PRSS23: variants seen among roughly 807,000 people sequenced by gnomAD.
The protein encoded by PRSS23 is serine protease 23, also known as protease, serine 23.
A neutral mutation model predicts 34.7 loss-of-function variants in PRSS23; 25 were observed. That is an observed-to-expected ratio of 0.72 (90% CI 0.53 to 1.01). The LOEUF (loss-of-function observed/expected upper bound fraction) is 1.01, where lower values mean the gene tolerates loss of function less well. PRSS23 is among the 50% of genes least tolerant of loss of function. The pLI is 0.00. For synonymous variants in PRSS23, 176 were observed against 186.6 expected (o/e 0.94, Z 0.46); for missense variants, 445 against 475.6 (o/e 0.94, Z 0.60).
chr11:86,883,350 A>G (rs530546102), intron 2 of PRSS23, among the ~76,000 whole-genome samples: 30 of 152,322 alleles, frequency 2.0e-4, no homozygotes, highest in African/African-American at 6.3e-4. Context: ...CACACCTACA[A>G]CTATCTGATT....
intron 2 of PRSS23, among the ~76,000 whole-genome samples, chr11:86,898,161 C>T (rs1196606898): frequency 1.3e-5 from 2 of 152,126 alleles, no homozygotes; most frequent in East Asian, 1.9e-4. Context: ...TATTTCATTT[C>T]GATGAGAACC....
chr11:86,922,392 T>C (rs1949052351), intron 2 of PRSS23, among the ~76,000 whole-genome samples: 1 of 151,976 alleles, frequency 6.6e-6, no homozygotes, highest in Non-Finnish European at 1.5e-5. Context: ...TCCCAGAACT[T>C]TGGGAGGCTG....
chr11:86,816,253 C>G (rs1016012908), intron 1 of PRSS23, among the ~76,000 whole-genome samples: 2 of 152,170 alleles, frequency 1.3e-5, no homozygotes, highest in African/African-American at 4.8e-5. Context: ...TGTCCTCAAG[C>G]CCACCTCGGT....
At chr11:86,859,135 G>A (rs974693923) in intron 2 of PRSS23, among the ~76,000 whole-genome samples, 12 of 151,838 alleles carry the variant, frequency 7.9e-5, no homozygotes, top group African/African-American at 2.9e-4. Context: ...GGAAGAGGAT[G>A]ATATTGCTCC....
At chr11:86,853,101 G>A (rs772545500) in intron 2 of PRSS23, among the ~76,000 whole-genome samples, 1 of 151,274 alleles carries the variant, frequency 6.6e-6, no homozygotes, top group Admixed American at 6.6e-5. Context: ...TGATCCACCT[G>A]CCTCAGCCTC....
chr11:86,796,070 T>C (rs887099639), upstream of PRSS23, among the ~76,000 whole-genome samples: 107 of 152,268 alleles, frequency 7.0e-4, no homozygotes, highest in African/African-American at 2.5e-3. Flanking sequence ...AGTTATTACA[T>C]AACTGGAACA....
chr11:86,898,441 G>T (rs1228318659), intron 2 of PRSS23, among the ~76,000 whole-genome samples: 7 of 152,180 alleles, frequency 4.6e-5, no homozygotes, highest in Admixed American at 4.6e-4. Context: ...TTTTGTTGAG[G>T]ATCAGAATGC....
At chr11:86,867,816 G>A (rs1948659820) in intron 2 of PRSS23, among the ~76,000 whole-genome samples, 1 of 147,848 alleles carries the variant, frequency 6.8e-6, no homozygotes, top group Non-Finnish European at 1.5e-5. Flanking sequence ...GGCTAAGGCT[G>A]CAGTGAGCTG....
At chr11:86,886,808 G>A (rs1308958307) in intron 2 of PRSS23, among the ~76,000 whole-genome samples, 4 of 151,932 alleles carry the variant, frequency 2.6e-5, no homozygotes, top group African/African-American at 9.7e-5. Flanking sequence ...GCATGGTGGT[G>A]GGCACCTGTA....
At chr11:86,827,934 T>C (rs1460765756) in intron 2 of PRSS23, among the ~76,000 whole-genome samples, 1 of 152,220 alleles carries the variant, frequency 6.6e-6, no homozygotes, top group African/African-American at 2.4e-5. Flanking sequence ...AATTTTGGAA[T>C]AGGTGTGGTG....
chr11:86,804,400 G>A (rs963298141), intron 1 of PRSS23, among the ~76,000 whole-genome samples: 1 of 152,032 alleles, frequency 6.6e-6, no homozygotes, highest in African/African-American at 2.4e-5. Flanking sequence ...AGCGTTACAT[G>A]GAAGCTTTAA....
chr11:86,828,865 C>T lies in PRSS23; in HGVS notation c.206+5272C>T, dbSNP rs543120775. ...TGTAGAGTTTCTGCCGAGAGATCCG[C>T]TGTTAGTCTGATGGGCTTCCGTTTG... On this transcript the variant is annotated intron_variant, in intron 2 of 2. Coordinates refer to the PRSS23 transcript ENST00000533902. Among the ~76,000 whole-genome samples, 310 of 152,344 alleles carry T rather than the reference C, an allele frequency of 2.0e-3. 2 individuals carry two copies. Among genetic ancestry groups the T allele is most frequent in the Middle Eastern group, 6.8e-3 (2 of 294 alleles).
Position 86,810,193 on chromosome 11 carries a change from C to G in PRSS23, c.*1398C>G, listed in dbSNP as rs577612338. The G allele has an allele frequency of 3.6e-4, 60 of 166,932 alleles. No individual in the cohort carries two copies. The highest frequency in any genetic ancestry group is 6.3e-4 in the Non-Finnish European group (43 of 68,114). The allele number at this position is 166,932 out of a possible 1,614,324, so 10.3% of individuals were successfully genotyped here. A position where few individuals can be genotyped will look rare whatever the true frequency, so the allele number is the denominator to read the frequency against. Reference sequence around the variant, plus strand: ...TATTGTATGTTTTTATTTTATGGCTCTCGGCCTAAGCACTTCTTTCTAAAT... The same window carrying G: ...TATTGTATGTTTTTATTTTATGGCTGTCGGCCTAAGCACTTCTTTCTAAAT... On this transcript the variant is annotated 3_prime_UTR_variant, in exon 2 of 2. Transcript: ENST00000280258.
At chr11:86,824,149 A>T (rs977500438) in intron 2 of PRSS23, among the ~76,000 whole-genome samples, 22 of 151,304 alleles carry the variant, frequency 1.5e-4, no homozygotes, top group African/African-American at 5.3e-4. Flanking sequence ...CTGTACAAAA[A>T]CTTCAAAAAT....
At chr11:86,926,942 T>C (rs1483114311) in intron 2 of PRSS23, among the ~76,000 whole-genome samples, 3 of 152,176 alleles carry the variant, frequency 2.0e-5, no homozygotes, top group African/African-American at 7.2e-5. Flanking sequence ...CTTAATTGGT[T>C]TGGAAGTGAG....
intron 2 of PRSS23, among the ~76,000 whole-genome samples, chr11:86,850,631 C>T (rs1476523794): frequency 6.6e-6 from 1 of 152,164 alleles, no homozygotes; most frequent in Non-Finnish European, 1.5e-5. Context: ...GTAAGTATCC[C>T]TGTGTCCTCT....
chr11:86,940,350 A>C (rs1949199414), intron 2 of PRSS23, among the ~76,000 whole-genome samples: 1 of 152,214 alleles, frequency 6.6e-6, no homozygotes, highest in African/African-American at 2.4e-5. Context: ...CCTCTGAAAC[A>C]CTGGCATTTT....
intron 2 of PRSS23, chr11:86,934,277 T>C (rs1949145876): frequency 6.6e-6 from 1 of 152,256 alleles, no homozygotes; most frequent in South Asian, 2.1e-4. Context: ...CAAGGTGACT[T>C]GGATCGATTC....
intron 2 of PRSS23, chr11:86,857,493 T>C (rs1948580254): frequency 2.4e-6 from 1 of 422,878 alleles, no homozygotes; most frequent in African/African-American, 2.1e-5. Flanking sequence ...GATTTCCACA[T>C]TCTTGAAGAA....
Sources: gnomAD v4.1 joint callset for allele counts (sites outside exome capture counted in the v4.1 genomes callset) on GRCh38, gnomAD v4.1.1 for gene constraint, MANE v1.5 for transcripts, NCBI Gene and HGNC (gene_info 2026-07-23, HGNC 2026-07-21) for gene names.